The following TRAF2 variants were observed in gnomAD, a reference collection of about 807,000 sequenced individuals.
TRAF2 encodes TNF receptor associated factor 2.
TRAF2 carries 6 observed loss-of-function variants against 55.6 expected under a neutral mutation model. The observed-to-expected ratio is 0.11, with a 90% CI of 0.06 to 0.21. TRAF2 has a LOEUF of 0.21. Among genes scored for constraint, TRAF2 ranks in the 10% least tolerant of loss-of-function variants. The pLI is 1.00. For synonymous variants in TRAF2, 329 were observed against 276.3 expected (o/e 1.19, Z -1.89); for missense variants, 561 against 684.5 (o/e 0.82, Z 2.01).
chr9:136,906,840 CCT>C (rs1849965532), intron 4 of TRAF2, among the ~76,000 whole-genome samples: 1 of 152,160 alleles, frequency 6.6e-6, no homozygotes, highest in African/African-American at 2.4e-5. Flanking sequence ...TGAATCCGGC[CCT>C]CTCTCCCGTT....
intron 3 of TRAF2, among the ~76,000 whole-genome samples, chr9:136,900,166 C>A (rs1849782320): frequency 7.9e-6 from 1 of 126,496 alleles, no homozygotes. Flanking sequence ...GAGACCCCTC[C>A]TTTAAAAAAA....
At chr9:136,909,049 AAAG>A (rs917903600) in intron 5 of TRAF2, among the ~76,000 whole-genome samples, 7 of 127,320 alleles carry the variant, frequency 5.5e-5, no homozygotes, top group African/African-American at 1.8e-4. Flanking sequence ...AAAAAAAAAA[AAAG>A]AAAAAAAATT....
In TRAF2 at chr9:136,926,536, C is replaced by T. The variant is rs562099357; in HGVS notation, c.*635C>T. On this transcript the variant is annotated 3_prime_UTR_variant, in exon 11 of 11. Transcript: ENST00000247668. Reference sequence around the variant, plus strand: ...ACCACTGTGTGGGAGGTGCACAGCACAGCCTGCGGGTAAAGTGTGAGAGCT... The same window carrying T: ...ACCACTGTGTGGGAGGTGCACAGCATAGCCTGCGGGTAAAGTGTGAGAGCT... The T allele has an allele frequency of 5.7e-6, 1 of 176,660 alleles. No individual in the cohort carries two copies. Among genetic ancestry groups the T allele is most frequent in the African/African-American group, 2.4e-5 (1 of 42,516 alleles). The allele number at this position is 176,660 out of a possible 1,614,324, so 10.9% of individuals were successfully genotyped here. A position where few individuals can be genotyped will look rare whatever the true frequency, so the allele number is the denominator to read the frequency against.
intron 7 of TRAF2, among the ~76,000 whole-genome samples, chr9:136,919,693 C>G (rs1850337561): frequency 6.6e-6 from 1 of 151,748 alleles, no homozygotes; most frequent in Admixed American, 6.6e-5. Flanking sequence ...TTCCCTTCAT[C>G]CCTTCATCTC....
intron 1 of TRAF2, among the ~76,000 whole-genome samples, chr9:136,891,344 A>G (rs1849576473): frequency 6.6e-6 from 1 of 151,524 alleles, no homozygotes. Context: ...TCCTGACCTC[A>G]TGATCCGCCC....
intron 7 of TRAF2, among the ~76,000 whole-genome samples, chr9:136,919,553 C>G (rs1022747984): frequency 5.3e-5 from 8 of 152,042 alleles, no homozygotes; most frequent in African/African-American, 1.9e-4. Context: ...CCTTGGCCTC[C>G]CAAAGTGCTG....
chr9:136,926,594 A>G lies in TRAF2; in HGVS notation c.*693A>G. The G allele has an allele frequency of 6.3e-6, 1 of 158,014 alleles. No homozygotes were observed. The highest frequency in any genetic ancestry group is 2.5e-5 in the African/African-American group (1 of 39,916). 9.8% of individuals were successfully genotyped at this position (158,014 alleles called of 1,614,324 possible). On this transcript the variant is annotated 3_prime_UTR_variant, in exon 11 of 11. Transcript: ENST00000247668. ...CAGCTCACGAAGACAGAGTTATTAA[A>G]CCATTCAAATCTCTGTGGTCAGTGG... is the stretch of plus-strand genomic sequence containing the variant.
rs1040978492 is a variant in TRAF2 at position 136,926,033 on chromosome 9, G to A, written c.*132G>A. The A allele has an allele frequency of 1.8e-6, 2 of 1,114,872 alleles. No individual in the cohort carries two copies. Among genetic ancestry groups the A allele is most frequent in the Non-Finnish European group, 1.3e-6 (1 of 744,780 alleles). The allele number at this position is 1,114,872 out of a possible 1,614,324, so 69.1% of individuals were successfully genotyped here. The stretch of plus-strand genomic sequence containing the variant: ...CGCTTGGGCGCTTGGGAGGGTGTCG[G>A]CCTGCAGCCAAGTTCACTGTCACGG... On this transcript the variant is annotated 3_prime_UTR_variant, in exon 11 of 11. Coordinates refer to ENST00000247668, the MANE Select transcript of TRAF2 (RefSeq NM_021138.4).
chr9:136,910,121 T>G, intron 6 of TRAF2, 127 bp downstream of exon 6: 7 of 1,048,826 alleles, frequency 6.7e-6, no homozygotes, highest in Non-Finnish European at 1.0e-5. Flanking sequence ...GCAAAGCCCC[T>G]GTAACGTTGG....
chr9:136,883,256 G>T (rs1849395263), upstream of TRAF2, among the ~76,000 whole-genome samples: 1 of 152,128 alleles, frequency 6.6e-6, no homozygotes, highest in Non-Finnish European at 1.5e-5. Context: ...GCAGCACTGG[G>T]GCAAGTACTC....
rs1233419347 is a variant in TRAF2 at position 136,908,186 on chromosome 9, G to A, written c.483G>A (p.Leu161=). The part of the protein sequence containing the change: ...HLEHECPERS[L]SCRHCRAPCC... ...AGCACGAGTGCCCGGAGAGAAGCCT[G>A]AGCTGCCGGCATTGCCGGGCACCCT... is the stretch of plus-strand genomic sequence containing the variant. Residue 161 remains leucine, a synonymous_variant, in exon 5 of 11, where the codon CTG becomes CTA. Coordinates refer to ENST00000247668, the MANE Select transcript of TRAF2 (RefSeq NM_021138.4). The A allele has an allele frequency of 6.2e-7, 1 of 1,600,776 alleles. No individual in the cohort carries two copies. Among genetic ancestry groups the A allele is most frequent in the Non-Finnish European group, 8.5e-7 (1 of 1,179,616 alleles).
At chr9:136,925,181 A>G (rs1234453760) in intron 10 of TRAF2, among the ~76,000 whole-genome samples, 1 of 152,178 alleles carries the variant, frequency 6.6e-6, no homozygotes, top group Non-Finnish European at 1.5e-5. Flanking sequence ...TAGGCAGAGC[A>G]GAGTTGGGTG....
intron 7 of TRAF2, among the ~76,000 whole-genome samples, chr9:136,917,866 A>G (rs1423855783): frequency 6.6e-6 from 1 of 152,052 alleles, no homozygotes; most frequent in Non-Finnish European, 1.5e-5. Flanking sequence ...GAGGTTGCGT[A>G]GTGACCACCC....
At chr9:136,886,473 G>C, upstream of TRAF2, 1 of 1,004,138 alleles carries the variant, frequency 1.0e-6, no homozygotes, top group African/African-American at 1.7e-5. Context: ...GCGGAGCGGC[G>C]GCGGCGGCGG....
chr9:136,926,085 G>A lies in TRAF2; in HGVS notation c.*184G>A, dbSNP rs1168418716. 1 of 808,342 alleles carries A rather than the reference G, an allele frequency of 1.2e-6. No homozygotes were observed. The highest frequency in any genetic ancestry group is 1.7e-5 in the African/African-American group (1 of 59,906). 50.1% of individuals were successfully genotyped at this position (808,342 alleles called of 1,614,324 possible). On this transcript the variant is annotated 3_prime_UTR_variant, in exon 11 of 11. Transcript: ENST00000247668. ...GGAAGGAGCCACCAGCCAGTCCTCA[G>A]ATTTCAGAGACTGCGGAGGGGCTTG...
rs1850519033 is a variant in TRAF2, at chr9:136,925,898, C to G, written c.1503C>G (p.Leu501=). The G allele has an allele frequency of 3.7e-6, 6 of 1,613,990 alleles. No homozygotes were observed. Among genetic ancestry groups the G allele is most frequent in the Non-Finnish European group, 5.1e-6 (6 of 1,180,036 alleles). The part of the protein sequence containing the change: ...FIKAIVDLTG[L] ...AGGCCATTGTGGACCTGACAGGGCTCTAACTGCCCCCTACTGGTGTCTGGG... is the reference window on the plus strand; with the variant it reads ...AGGCCATTGTGGACCTGACAGGGCTGTAACTGCCCCCTACTGGTGTCTGGG... The change falls in exon 11 of 11, where the codon CTC becomes CTG. Residue 501 remains leucine, a synonymous_variant. Transcript: ENST00000247668.
In TRAF2 at chr9:136,926,267, G is replaced by C. The variant is rs1850530734; in HGVS notation, c.*366G>C. On this transcript the variant is annotated 3_prime_UTR_variant, in exon 11 of 11. Transcript: ENST00000247668. The stretch of plus-strand genomic sequence containing the variant: ...ACATCCCAGCAGTGCCCATGTAGCA[G>C]GAGCACAGTGGATGGCCTTGTGTCC... 2.6e-6 allele frequency: 1 copy of C among 387,842 alleles called. No individual in the cohort carries two copies. Among genetic ancestry groups the C allele is most frequent in the Non-Finnish European group, 5.0e-6 (1 of 200,050 alleles). 24.0% of individuals were successfully genotyped at this position (387,842 alleles called of 1,614,324 possible).
Position 136,920,479 on chromosome 9 carries a change from G to A in TRAF2, c.924G>A (p.Arg308=). The A allele has an allele frequency of 1.9e-6, 3 of 1,613,354 alleles. No individual in the cohort carries two copies. Among genetic ancestry groups the A allele is most frequent in the Non-Finnish European group, 1.7e-6 (2 of 1,179,802 alleles). ...CCGAGGCCTGCAGCCGGCAGCACCG[G>A]CTGGACCAAGACAAGATTGAAGCCC... ...MTAEACSRQH[R]LDQDKIEALS... The change falls in exon 8 of 11, where the codon CGG becomes CGA. Residue 308 remains arginine, a synonymous_variant. Coordinates refer to ENST00000247668, the MANE Select transcript of TRAF2 (RefSeq NM_021138.4).
chr9:136,892,246 G>A (rs1019143477), intron 1 of TRAF2, among the ~76,000 whole-genome samples: 1 of 151,524 alleles, frequency 6.6e-6, no homozygotes. Flanking sequence ...GGCAGATCAC[G>A]AGGTCAGGAG....
Sources: allele counts gnomAD v4.1 joint callset (sites outside exome capture counted in the v4.1 genomes callset), GRCh38; gene constraint gnomAD v4.1.1; transcripts MANE v1.5; gene names NCBI Gene and HGNC (gene_info 2026-07-23, HGNC 2026-07-21).